The following RGL1 variants were observed in gnomAD, a reference collection of about 807,000 sequenced individuals.
RGL1 encodes the protein ral guanine nucleotide dissociation stimulator like 1, also known as ral guanine nucleotide dissociation stimulator-like 1.
Under a neutral mutation model 95.2 loss-of-function variants are expected in RGL1, and 24 were observed. The observed-to-expected ratio is 0.25, with a 90% confidence interval of 0.18 to 0.35. The LOEUF (loss-of-function observed/expected upper bound fraction) is 0.35. Ranked by LOEUF, RGL1 falls within the 10% of genes least tolerant of loss-of-function variation. The pLI, the probability that RGL1 is intolerant of heterozygous loss-of-function variation, is 1.00. For missense variants in RGL1, 715 were observed against 936.3 expected (o/e 0.76, Z 3.08); for synonymous variants, 329 against 344.9 (o/e 0.95, Z 0.51).
chr1:183,831,781 AT>A (rs1414796417), intron 2 of RGL1, among the ~76,000 whole-genome samples: 1 of 152,180 alleles, frequency 6.6e-6, no homozygotes, highest in Non-Finnish European at 1.5e-5. Context: ...TTGAAGGCCA[AT>A]TTCTAGAGAT....
intron 3 of RGL1, among the ~76,000 whole-genome samples, chr1:183,858,995 A>G (rs1375720469): frequency 6.6e-6 from 1 of 152,230 alleles, no homozygotes; most frequent in African/African-American, 2.4e-5. Context: ...ACAGGCTTGT[A>G]CTGATTTGTT....
intron 2 of RGL1, among the ~76,000 whole-genome samples, chr1:183,744,745 T>C (rs568927310): frequency 5.9e-5 from 9 of 152,348 alleles, no homozygotes; most frequent in African/African-American, 1.9e-4. Flanking sequence ...ACTTTATTCA[T>C]GTTTAACTGC....
chr1:183,695,602 G>A (rs1032424530), intron 1 of RGL1, among the ~76,000 whole-genome samples: 3 of 152,120 alleles, frequency 2.0e-5, no homozygotes, highest in Non-Finnish European at 4.4e-5. Context: ...TGTTTAAAAG[G>A]AAGTTTAAAA....
At chr1:183,892,781 A>G (rs1667495249) in intron 9 of RGL1, among the ~76,000 whole-genome samples, 1 of 152,244 alleles carries the variant, frequency 6.6e-6, no homozygotes, top group African/African-American at 2.4e-5. Context: ...ATTGGGGTAT[A>G]TAGACACTAA....
intron 2 of RGL1, among the ~76,000 whole-genome samples, chr1:183,843,995 T>A (rs576524343): frequency 6.4e-4 from 97 of 152,138 alleles, no homozygotes; most frequent in Non-Finnish European, 1.3e-3. Context: ...CGTGGCTGAT[T>A]TTGTATTTTT....
intron 1 of RGL1, among the ~76,000 whole-genome samples, chr1:183,725,170 C>A (rs886690938): frequency 1.3e-5 from 2 of 152,146 alleles, no homozygotes; most frequent in African/African-American, 2.4e-5. Flanking sequence ...AGGTGTCCCC[C>A]TAATGCAGAT....
At chr1:183,779,924 ATAAC>A (rs1448108008) in intron 2 of RGL1, among the ~76,000 whole-genome samples, 1 of 152,220 alleles carries the variant, frequency 6.6e-6, no homozygotes, top group Non-Finnish European at 1.5e-5. Context: ...GTCAATTGAA[ATAAC>A]TATCAATTCA....
intron 2 of RGL1, among the ~76,000 whole-genome samples, chr1:183,828,497 G>C (rs527738778): frequency 6.6e-6 from 1 of 152,150 alleles, no homozygotes. Flanking sequence ...TGACCTACTC[G>C]GCCGTCTGGT....
At chr1:183,751,630 G>T (rs1177357763) in intron 2 of RGL1, among the ~76,000 whole-genome samples, 2 of 152,198 alleles carry the variant, frequency 1.3e-5, no homozygotes, top group African/African-American at 4.8e-5. Context: ...CTCAGTGTCT[G>T]CCCAAATGGC....
intron 2 of RGL1, among the ~76,000 whole-genome samples, chr1:183,752,211 C>A (rs948517370): frequency 6.6e-6 from 1 of 151,352 alleles, no homozygotes; most frequent in Non-Finnish European, 1.5e-5. Context: ...CTTGTCAATT[C>A]TTGGAATTGT....
At chr1:183,709,806 G>T in intron 1 of RGL1, 1 of 198,086 alleles carries the variant, frequency 5.0e-6, no homozygotes, top group East Asian at 1.2e-4. Context: ...CTTTGCTGAG[G>T]GAGATGGACA....
chr1:183,842,660 G>A (rs1336291299), intron 2 of RGL1, among the ~76,000 whole-genome samples: 1 of 152,170 alleles, frequency 6.6e-6, no homozygotes, highest in African/African-American at 2.4e-5. Context: ...TGTCAGTAAA[G>A]CGACGGTCTA....
At chr1:183,825,559 A>G (rs1251342630) in intron 2 of RGL1, among the ~76,000 whole-genome samples, 1 of 152,238 alleles carries the variant, frequency 6.6e-6, no homozygotes, top group Non-Finnish European at 1.5e-5. Context: ...TTTCCAAAGC[A>G]TATTTTAAAA....
intron 4 of RGL1, among the ~76,000 whole-genome samples, chr1:183,867,480 C>T (rs555045765): frequency 2.0e-4 from 30 of 152,194 alleles, no homozygotes; most frequent in Admixed American, 1.2e-3. Context: ...TGCAGTGCTG[C>T]GGTCTTTGGT....
At chr1:183,925,116 T>C (rs1426042105) in intron 17 of RGL1, among the ~76,000 whole-genome samples, 1 of 152,180 alleles carries the variant, frequency 6.6e-6, no homozygotes, top group Non-Finnish European at 1.5e-5. Flanking sequence ...AAATTGAAAA[T>C]AGTTTAAATA....
Position 183,900,661 on chromosome 1 carries a change from C to T in RGL1, c.1317+425C>T, listed in dbSNP as rs929498064. Among the ~76,000 whole-genome samples, 11 of 152,086 alleles carry T rather than the reference C, an allele frequency of 7.2e-5. No homozygotes were observed. In the South Asian group the frequency reaches 1.0e-3, roughly 14 times the overall value. ...CTGGGATTACAGGCGTGCACCACCA[C>T]GCCCAGCTAATTTTTTGTATTTTTA... On this transcript the variant is annotated intron_variant, in intron 11 of 17. Transcript: ENST00000360851.
At chr1:183,923,460 C>A (rs1669429335) in intron 17 of RGL1, among the ~76,000 whole-genome samples, 1 of 152,100 alleles carries the variant, frequency 6.6e-6, no homozygotes, top group Non-Finnish European at 1.5e-5. Context: ...AATTATAATT[C>A]TAAGCCTAAA....
rs374291765 is a variant in RGL1, at chr1:183,888,468, A to G, written c.952-6A>G. ...GCCTTTTATGTTTTAATCACTCCCC[A>G]TGCAGGAATGTAGACTCCTGAAGAA... On this transcript the variant is annotated splice_polypyrimidine_tract_variant and splice_region_variant and intron_variant, in intron 7 of 17. Coordinates refer to ENST00000360851, the MANE Select transcript of RGL1 (RefSeq NM_001297671.3). 6.5e-7 allele frequency: 1 copy of G among 1,544,798 alleles called. No homozygotes were observed. Among genetic ancestry groups the G allele is most frequent in the South Asian group, 1.1e-5 (1 of 89,576 alleles).
chr1:183,712,153 T>A (rs1458344874), intron 1 of RGL1, among the ~76,000 whole-genome samples: 1 of 152,232 alleles, frequency 6.6e-6, no homozygotes, highest in Admixed American at 6.5e-5. Context: ...GCAGTAGTAA[T>A]TTCCTGGCAG....
Sources: gnomAD v4.1 joint callset for allele counts (sites outside exome capture counted in the v4.1 genomes callset) on GRCh38, gnomAD v4.1.1 for gene constraint, MANE v1.5 for transcripts, NCBI Gene and HGNC (gene_info 2026-07-23, HGNC 2026-07-21) for gene names.